TAX1BP1: variants seen among roughly 807,000 people sequenced by gnomAD.
TAX1BP1 encodes Tax1 binding protein 1.
TAX1BP1 carries 62 observed loss-of-function variants against 97.7 expected under a neutral mutation model. The observed-to-expected ratio is 0.63, with a 90% confidence interval of 0.52 to 0.78. TAX1BP1 has a LOEUF of 0.78. TAX1BP1 is among the 30% of genes least tolerant of loss of function. TAX1BP1 has a pLI of 0.00. For synonymous variants in TAX1BP1, 340 were observed against 304.2 expected (o/e 1.12, Z -1.23); for missense variants, 867 against 916.1 (o/e 0.95, Z 0.69).
chr7:27,799,523 G>C (rs1317651632), intron 12 of TAX1BP1, among the ~76,000 whole-genome samples: 1 of 152,066 alleles, frequency 6.6e-6, no homozygotes, highest in Non-Finnish European at 1.5e-5. Context: ...ATGTTGTAGT[G>C]TTCCAGAAAT....
rs546168059 is a variant in TAX1BP1, at chr7:27,748,457, C to T, written c.-7-61C>T. 16 of 1,168,654 alleles carry T rather than the reference C, an allele frequency of 1.4e-5. No individual in the cohort carries two copies. The East Asian group carries it at 3.3e-4, about 24-fold the overall frequency. 72.4% of individuals were successfully genotyped at this position (1,168,654 alleles called of 1,614,324 possible). On this transcript the variant is annotated intron_variant, in intron 1 of 16. Transcript: ENST00000396319. Reference sequence around the variant, plus strand: ...ACTTATATTAAATATTATGTATTTTCTGAAGGCATAAGTTTATTCTTAGTT... The same window carrying T: ...ACTTATATTAAATATTATGTATTTTTTGAAGGCATAAGTTTATTCTTAGTT...
chr7:27,783,231 A>G (rs891185950), intron 5 of TAX1BP1, among the ~76,000 whole-genome samples: 5 of 152,182 alleles, frequency 3.3e-5, no homozygotes, highest in African/African-American at 1.2e-4. Flanking sequence ...TTTTGGCATG[A>G]TTTACAAATG....
chr7:27,759,020 C>A (rs981759384), intron 3 of TAX1BP1, among the ~76,000 whole-genome samples: 3 of 151,838 alleles, frequency 2.0e-5, no homozygotes, highest in Non-Finnish European at 2.9e-5. Flanking sequence ...ATTCAGAGAT[C>A]TATCACAGAA....
chr7:27,740,793 G>C (rs538240272), intron 1 of TAX1BP1, among the ~76,000 whole-genome samples: 3 of 152,322 alleles, frequency 2.0e-5, no homozygotes, highest in East Asian at 1.9e-4. Context: ...GGTGGCGAAG[G>C]GGGCGGAGAC....
At chr7:27,764,804 C>A (rs530755672) in intron 3 of TAX1BP1, among the ~76,000 whole-genome samples, 1 of 151,602 alleles carries the variant, frequency 6.6e-6, no homozygotes, top group East Asian at 2.0e-4. Flanking sequence ...TCATTAATTT[C>A]TTCTGTGAAA....
intron 4 of TAX1BP1, among the ~76,000 whole-genome samples, chr7:27,766,276 C>T (rs187752250): frequency 1.4e-4 from 21 of 151,936 alleles, no homozygotes; most frequent in Non-Finnish European, 2.1e-4. Flanking sequence ...AAAAATTAGA[C>T]GGGCGTGGTG....
intron 13 of TAX1BP1, among the ~76,000 whole-genome samples, chr7:27,815,690 A>T (rs1200838007): frequency 1.3e-5 from 2 of 152,174 alleles, no homozygotes; most frequent in East Asian, 1.9e-4. Flanking sequence ...TATACAGGAC[A>T]CATTTTTATA....
In TAX1BP1 at chr7:27,765,970, T is replaced by C; in HGVS notation, c.402T>C (p.Asp134=). Residue 134 remains aspartate, a synonymous_variant, in exon 4 of 17, where the codon GAT becomes GAC. Transcript: ENST00000396319. ...TTGAAGAGCTGCTTACTATGGAAGA[T>C]GAAGGAAATTCTGACATGTTAGTGG... The part of the protein sequence containing the change: ...SPVEELLTME[D]EGNSDMLVVT... 6.2e-7 allele frequency: 1 copy of C among 1,614,182 alleles called. No homozygotes were observed. The highest frequency in any genetic ancestry group is 8.5e-7 in the Non-Finnish European group (1 of 1,180,034).
intron 4 of TAX1BP1, among the ~76,000 whole-genome samples, chr7:27,767,335 C>T (rs933743733): frequency 6.6e-6 from 1 of 151,686 alleles, no homozygotes; most frequent in South Asian, 2.1e-4. Flanking sequence ...TATTTAATAC[C>T]TTTGATTTTA....
chr7:27,775,075 T>G (rs1788978343), intron 5 of TAX1BP1, among the ~76,000 whole-genome samples: 1 of 152,194 alleles, frequency 6.6e-6, no homozygotes, highest in Admixed American at 6.6e-5. Flanking sequence ...AAATCAGTAG[T>G]TCCTGCAAAG....
At chr7:27,800,700 C>G (rs1291800633) in intron 13 of TAX1BP1, among the ~76,000 whole-genome samples, 1 of 151,970 alleles carries the variant, frequency 6.6e-6, no homozygotes, top group Non-Finnish European at 1.5e-5. Flanking sequence ...TGACTGTGAT[C>G]CTAAATGAAA....
chr7:27,784,699 A>G (rs1789403355), intron 5 of TAX1BP1, among the ~76,000 whole-genome samples: 1 of 152,134 alleles, frequency 6.6e-6, no homozygotes, highest in East Asian at 1.9e-4. Flanking sequence ...TGGGGGGAAA[A>G]TGTATATAAA....
intron 16 of TAX1BP1, 65 bp from the exon 17 acceptor site, chr7:27,828,563 T>C: frequency 8.1e-6 from 12 of 1,483,358 alleles, no homozygotes; most frequent in Non-Finnish European, 1.0e-5. Context: ...AACCTTGTCA[T>C]ATATGGACAA....
intron 5 of TAX1BP1, among the ~76,000 whole-genome samples, chr7:27,770,491 A>G (rs531479209): frequency 9.9e-5 from 15 of 152,196 alleles, no homozygotes; most frequent in African/African-American, 3.1e-4. Context: ...ACTTACACAG[A>G]CTGTGATCTT....
In TAX1BP1 at chr7:27,806,971, C is replaced by A. The variant is rs192860445; in HGVS notation, c.1764+6881C>A. The stretch of plus-strand genomic sequence containing the variant: ...TTCTTCCTATGGGTGTGGAAGAATT[C>A]TTTTTAAAGTTTATTCCTAAGTATT... On this transcript the variant is annotated intron_variant, in intron 13 of 16. Coordinates refer to ENST00000396319, the MANE Select transcript of TAX1BP1 (RefSeq NM_006024.7). Among the ~76,000 whole-genome samples, 1,052 of 152,016 alleles carry A rather than the reference C, an allele frequency of 6.9e-3. 9 individuals carry two copies. Among genetic ancestry groups the A allele is most frequent in the Non-Finnish European group, 0.01 (709 of 67,908 alleles).
In TAX1BP1 at chr7:27,816,420, T is replaced by C. The variant is rs1411856304; in HGVS notation, c.1836T>C (p.Cys612=). ...MEGQNSQSPQ[C]FKTCSEQNGY... is the part of the protein sequence containing the mutation. ...GTCAGAATTCCCAGAGTCCTCAATG[T>C]TTCAAAACATGCTCAGAGCAAAATG... Residue 612 remains cysteine, a synonymous_variant, in exon 14 of 17, where the codon TGT becomes TGC. Coordinates refer to ENST00000396319, the MANE Select transcript of TAX1BP1 (RefSeq NM_006024.7). 3 of 1,581,490 alleles carry C rather than the reference T, an allele frequency of 1.9e-6. No homozygotes were observed. Among genetic ancestry groups the C allele is most frequent in the Non-Finnish European group, 2.6e-6 (3 of 1,170,952 alleles).
intron 2 of TAX1BP1, among the ~76,000 whole-genome samples, chr7:27,757,149 T>A (rs1206056709): frequency 6.6e-6 from 1 of 152,140 alleles, no homozygotes; most frequent in African/African-American, 2.4e-5. Flanking sequence ...AGAACATGGA[T>A]AATCTAACCT....
rs1788296925 is a variant in TAX1BP1 at position 27,758,133 on chromosome 7, G to A, written c.265G>A (p.Gly89Arg). 14 of 1,604,812 alleles carry A rather than the reference G, an allele frequency of 8.7e-6. No homozygotes were observed. Among genetic ancestry groups the A allele is most frequent in the Non-Finnish European group, 1.1e-5 (13 of 1,175,168 alleles). ...AGTCAATTGTGTACTAGCATTCCAA[G>A]GTAAGGACTGAAAACTGCAGAACTC... is the stretch of plus-strand genomic sequence containing the variant. The part of the protein sequence containing the change: ...STVNCVLAFQ[G>R]YYLPNDDGEF... The change falls in exon 3 of 17, where the codon GGA becomes AGA. Residue 89 changes from glycine to arginine, a missense_variant and splice_region_variant. Gly to Arg is a moderately radical substitution (Grantham distance 125). Around this residue, in one of 3 missense-constraint regions of TAX1BP1, gnomAD observed 822 missense variants for 851.4 expected, o/e 0.97. Transcript: ENST00000396319.
chr7:27,794,276 T>A (rs1485386292), intron 10 of TAX1BP1, 47 bp from the exon 11 acceptor site: 1 of 1,500,012 alleles, frequency 6.7e-7, no homozygotes, highest in Admixed American at 1.8e-5. Context: ...GGAGGAAATA[T>A]AACTAATTCA....
Sources: allele counts gnomAD v4.1 joint callset (sites outside exome capture counted in the v4.1 genomes callset), GRCh38; gene constraint gnomAD v4.1.1; regional missense constraint gnomAD v4.1.1; transcripts MANE v1.5; gene names NCBI Gene and HGNC (gene_info 2026-07-23, HGNC 2026-07-21).